The following AUTS2 variants were observed in gnomAD, a reference collection of about 807,000 sequenced individuals.
AUTS2 encodes autism susceptibility gene 2 protein.
Under a neutral mutation model 112.4 loss-of-function variants are expected in AUTS2, and 17 were observed. That is an observed-to-expected ratio of 0.15 (90% CI 0.10 to 0.23). AUTS2 has a LOEUF of 0.23. Ranked by LOEUF, AUTS2 falls within the 10% of genes least tolerant of loss-of-function variation. AUTS2 has a pLI of 1.00. For synonymous variants in AUTS2, 751 were observed against 702.7 expected (o/e 1.07, Z -1.09); for missense variants, 1,510 against 1,701.6 (o/e 0.89, Z 1.98).
At chr7:69,726,735 C>G (rs548716861) in intron 1 of AUTS2, among the ~76,000 whole-genome samples, 19 of 152,204 alleles carry the variant, frequency 1.2e-4, no homozygotes, top group African/African-American at 4.1e-4. Flanking sequence ...TTAATTCTAG[C>G]CATTCTAATG....
At chr7:70,538,011 G>A (rs1464468271) in intron 5 of AUTS2, among the ~76,000 whole-genome samples, 1 of 152,160 alleles carries the variant, frequency 6.6e-6, no homozygotes, top group African/African-American at 2.4e-5. Context: ...CATTTTGGGA[G>A]GATCACTTGA....
chr7:70,593,060 A>G (rs1321903158), intron 5 of AUTS2, among the ~76,000 whole-genome samples: 2 of 151,488 alleles, frequency 1.3e-5, no homozygotes, highest in Non-Finnish European at 2.9e-5. Context: ...TATGTTGCAC[A>G]GGCTGGTCTT....
intron 4 of AUTS2, among the ~76,000 whole-genome samples, chr7:70,332,041 A>T (rs1790776085): frequency 6.6e-6 from 1 of 152,204 alleles, no homozygotes; most frequent in Non-Finnish European, 1.5e-5. Flanking sequence ...TGCAGATGAC[A>T]TGATTGTATA....
At chr7:70,277,926 T>TTGTGTG (rs35535865) in intron 4 of AUTS2, among the ~76,000 whole-genome samples, 3,224 of 129,070 alleles carry the variant, frequency 0.025, 69 homozygotes, top group East Asian at 0.13. Context: ...CCTTGTGTAT[T>TTGTGTG]TGTGTGTGTG....
chr7:70,029,013 G>C (rs188601962), intron 2 of AUTS2, among the ~76,000 whole-genome samples: 2 of 152,256 alleles, frequency 1.3e-5, no homozygotes, highest in Admixed American at 6.5e-5. Flanking sequence ...CTTGTAAAGT[G>C]CCCTTTAGCT....
At chr7:70,367,844 T>A (rs1487227598) in intron 4 of AUTS2, among the ~76,000 whole-genome samples, 1 of 152,184 alleles carries the variant, frequency 6.6e-6, no homozygotes, top group Admixed American at 6.5e-5. Flanking sequence ...GCCACTGACC[T>A]TTAGCAACAA....
intron 5 of AUTS2, among the ~76,000 whole-genome samples, chr7:70,531,833 T>C (rs1345682710): frequency 1.3e-5 from 2 of 152,178 alleles, no homozygotes; most frequent in African/African-American, 4.8e-5. Flanking sequence ...TTTTGTTATA[T>C]AACAAACCCC....
chr7:70,071,311 C>T (rs1802757709), intron 2 of AUTS2, among the ~76,000 whole-genome samples: 1 of 152,112 alleles, frequency 6.6e-6, no homozygotes, highest in Non-Finnish European at 1.5e-5. Flanking sequence ...CATGCAGTCT[C>T]ATCAGCCAAG....
chr7:70,755,879 T>C (rs571679632), intron 6 of AUTS2, among the ~76,000 whole-genome samples: 2 of 152,042 alleles, frequency 1.3e-5, no homozygotes, highest in South Asian at 2.1e-4. Context: ...TAAATAATAC[T>C]ATTATTTAAT....
intron 10 of AUTS2, chr7:70,771,266 C>T (rs1278525165): frequency 4.3e-6 from 1 of 230,208 alleles, no homozygotes; most frequent in Non-Finnish European, 8.4e-6. Flanking sequence ...TTTAGGACTT[C>T]TATCTGATTT....
chr7:70,334,147 C>G (rs529670796), intron 4 of AUTS2, among the ~76,000 whole-genome samples: 7 of 152,152 alleles, frequency 4.6e-5, no homozygotes, highest in Non-Finnish European at 1.0e-4. Flanking sequence ...TAGATAAAAG[C>G]AGGCATCTTC....
intron 5 of AUTS2, among the ~76,000 whole-genome samples, chr7:70,491,896 T>C (rs991628371): frequency 6.6e-6 from 1 of 152,118 alleles, no homozygotes; most frequent in Non-Finnish European, 1.5e-5. Context: ...ATTACAAGTG[T>C]GAGCCACCGC....
intron 2 of AUTS2, among the ~76,000 whole-genome samples, chr7:70,097,075 T>C (rs1804244673): frequency 6.6e-6 from 1 of 152,252 alleles, no homozygotes; most frequent in African/African-American, 2.4e-5. Context: ...AAGAGGTTCA[T>C]GCATTTCAGC....
intron 6 of AUTS2, among the ~76,000 whole-genome samples, chr7:70,760,445 G>A (rs1396805110): frequency 6.6e-6 from 1 of 152,230 alleles, no homozygotes; most frequent in Non-Finnish European, 1.5e-5. Flanking sequence ...TGTGCTGTTA[G>A]GATTTCTGGG....
intron 4 of AUTS2, among the ~76,000 whole-genome samples, chr7:70,384,744 G>A (rs745632592): frequency 8.5e-5 from 13 of 152,202 alleles, no homozygotes; most frequent in Non-Finnish European, 1.3e-4. Context: ...AGTTTGAAAG[G>A]GATCTAGAGT....
intron 1 of AUTS2, among the ~76,000 whole-genome samples, chr7:69,869,052 C>G (rs1417868778): frequency 6.6e-6 from 1 of 152,176 alleles, no homozygotes; most frequent in Non-Finnish European, 1.5e-5. Flanking sequence ...GGGGATCAGC[C>G]ACCGTTGACC....
intron 1 of AUTS2, among the ~76,000 whole-genome samples, chr7:69,843,457 C>G (rs1054532103): frequency 1.1e-4 from 16 of 152,170 alleles, no homozygotes; most frequent in South Asian, 4.2e-4. Flanking sequence ...ATTATAAACT[C>G]CATGAGGACA....
intron 1 of AUTS2, among the ~76,000 whole-genome samples, chr7:69,875,068 T>C (rs1793672566): frequency 6.6e-6 from 1 of 151,994 alleles, no homozygotes; most frequent in Admixed American, 6.6e-5. Flanking sequence ...TTTCACTGAA[T>C]TCCTCTGTGG....
At chr7:70,610,423 C>CTTT (rs3054735) in intron 5 of AUTS2, among the ~76,000 whole-genome samples, 1 of 77,392 alleles carries the variant, frequency 1.3e-5, no homozygotes, top group African/African-American at 5.0e-5. Flanking sequence ...TAGCGCTCAT[C>CTTT]TTTTTTTTTT....
Sources: gnomAD v4.1 joint callset for allele counts (sites outside exome capture counted in the v4.1 genomes callset) on GRCh38, gnomAD v4.1.1 for gene constraint, MANE v1.5 for transcripts, NCBI Gene and HGNC (gene_info 2026-07-23, HGNC 2026-07-21) for gene names.